Variants in HDAC9 observed in about 807,000 individuals in gnomAD.
HDAC9 encodes histone deacetylase 9, also known as MEF-2 interacting transcription repressor (MITR) protein.
Under a neutral mutation model 139.4 loss-of-function variants are expected in HDAC9, and 41 were observed. That is an observed-to-expected ratio of 0.29 (90% CI 0.23 to 0.38). HDAC9 has a LOEUF of 0.38. Among genes scored for constraint, HDAC9 ranks in the 10% least tolerant of loss-of-function variants. The pLI, the probability that HDAC9 is intolerant of heterozygous loss-of-function variation, is 1.00. For missense variants in HDAC9, 1,147 were observed against 1,297.0 expected (o/e 0.88, Z 1.78); for synonymous variants, 517 against 476.2 (o/e 1.09, Z -1.12).
intron 1 of HDAC9, among the ~76,000 whole-genome samples, chr7:18,396,816 G>A (rs534025999): frequency 6.6e-6 from 1 of 152,248 alleles, no homozygotes; most frequent in East Asian, 1.9e-4. Flanking sequence ...AAGTTCTCCT[G>A]ATTCCTTGTT....
At chr7:18,717,431 CTTTT>C (rs59746761) in intron 12 of HDAC9, among the ~76,000 whole-genome samples, 1 of 137,236 alleles carries the variant, frequency 7.3e-6, no homozygotes. Flanking sequence ...TTACAATTTC[CTTTT>C]TTTTTTTTTT....
intron 8 of HDAC9, among the ~76,000 whole-genome samples, chr7:18,642,280 A>G (rs1014484624): frequency 3.9e-5 from 6 of 152,050 alleles, no homozygotes; most frequent in African/African-American, 1.4e-4. Context: ...CCTGACTCCC[A>G]GTTGCACTCC....
chr7:18,155,802 T>C (rs1787151328), intron 1 of HDAC9, among the ~76,000 whole-genome samples: 1 of 152,152 alleles, frequency 6.6e-6, no homozygotes, highest in Non-Finnish European at 1.5e-5. Context: ...TAGTCTTGCA[T>C]AGATAACTCC....
At chr7:18,178,238 C>T (rs1379772508) in intron 2 of HDAC9, among the ~76,000 whole-genome samples, 1 of 152,142 alleles carries the variant, frequency 6.6e-6, no homozygotes, top group African/African-American at 2.4e-5. Context: ...CACATGCCAC[C>T]ATGCTGGCTA....
chr7:18,305,781 G>A (rs1261869853), intron 1 of HDAC9, among the ~76,000 whole-genome samples: 1 of 151,862 alleles, frequency 6.6e-6, no homozygotes, highest in Non-Finnish European at 1.5e-5. Flanking sequence ...AGTAAAGAGT[G>A]CAGGCAGTAA....
In HDAC9 at chr7:18,756,400, T is replaced by A. The variant is rs114471857; in HGVS notation, c.2044-5757T>A. Among the ~76,000 whole-genome samples, 856 of 152,270 alleles carry A rather than the reference T, an allele frequency of 5.6e-3. 9 individuals carry two copies. Among genetic ancestry groups the A allele is most frequent in the African/African-American group, 0.019 (794 of 41,552 alleles). The stretch of plus-strand genomic sequence containing the variant: ...GGATAGGAATATGAGCTGTGAAAAA[T>A]TCTCTTATTTTTCAATTATGATTAA... On this transcript the variant is annotated intron_variant, in intron 14 of 25. Coordinates refer to ENST00000686413, the MANE Select transcript of HDAC9 (RefSeq NM_178425.4).
intron 2 of HDAC9, among the ~76,000 whole-genome samples, chr7:18,260,312 TTTTTTTTTTTG>T (rs1257473770): frequency 1.8e-5 from 1 of 56,492 alleles, no homozygotes; most frequent in African/African-American, 3.8e-5. Flanking sequence ...CTTTTTTTTG[TTTTTTTTTTTG>T]TTTTTTTTTT....
At chr7:18,836,802 A>G (rs1188981053) in intron 21 of HDAC9, among the ~76,000 whole-genome samples, 2 of 152,074 alleles carry the variant, frequency 1.3e-5, no homozygotes, top group African/African-American at 4.8e-5. Context: ...CTCCCTTGCA[A>G]GATTTTTGGA....
At chr7:18,365,275 A>T (rs1784091265) in intron 1 of HDAC9, among the ~76,000 whole-genome samples, 1 of 152,066 alleles carries the variant, frequency 6.6e-6, no homozygotes, top group South Asian at 2.1e-4. Flanking sequence ...TTTTAGATCT[A>T]GTGTGAACTC....
At chr7:18,955,319 A>G (rs910166702) in intron 24 of HDAC9, among the ~76,000 whole-genome samples, 1 of 152,092 alleles carries the variant, frequency 6.6e-6, no homozygotes, top group Non-Finnish European at 1.5e-5. Context: ...TTGGGGCTAG[A>G]TAAAGAGGGT....
At chr7:18,396,468 A>G (rs1048477932) in intron 1 of HDAC9, among the ~76,000 whole-genome samples, 1 of 152,126 alleles carries the variant, frequency 6.6e-6, no homozygotes, top group African/African-American at 2.4e-5. Context: ...ATAGCTTGGA[A>G]GCAAAGAGGA....
intron 2 of HDAC9, among the ~76,000 whole-genome samples, chr7:18,253,399 A>C (rs1272734628): frequency 6.6e-6 from 1 of 152,182 alleles, no homozygotes; most frequent in Non-Finnish European, 1.5e-5. Flanking sequence ...TTTTCTCCAA[A>C]ACGTTGCCAA....
Position 18,647,571 on chromosome 7 carries a change from A to G in HDAC9, c.1036-214A>G, listed in dbSNP as rs535874232. Among the ~76,000 whole-genome samples the G allele has an allele frequency of 9.1e-4, 138 of 152,278 alleles. 1 individual carries two copies. Among genetic ancestry groups the G allele is most frequent in the Admixed American group, 9.8e-4 (15 of 15,278 alleles). On this transcript the variant is annotated intron_variant, in intron 9 of 25. Coordinates refer to ENST00000686413, the MANE Select transcript of HDAC9 (RefSeq NM_178425.4). ...CCTTTTTATGTTCAATACAATGACA[A>G]TATTAAATTGTCTTCAGTGCTCCAA...
chr7:18,887,403 T>C (rs1417221847), intron 22 of HDAC9, among the ~76,000 whole-genome samples: 4 of 152,192 alleles, frequency 2.6e-5, no homozygotes, highest in Non-Finnish European at 4.4e-5. Flanking sequence ...TGGAATCGGT[T>C]GATCTGCAGT....
Position 18,762,401 on chromosome 7 carries a change from G to A in HDAC9, c.2164+124G>A, listed in dbSNP as rs980113666. 4 of 1,020,000 alleles carry A rather than the reference G, an allele frequency of 3.9e-6. No homozygotes were observed. The African/African-American group carries it at 6.5e-5, about 16-fold the overall frequency. The allele number at this position is 1,020,000 out of a possible 1,614,324, so 63.2% of individuals were successfully genotyped here. A position where few individuals can be genotyped will look rare whatever the true frequency, so the allele number is the denominator to read the frequency against. Reference sequence around the variant, plus strand: ...AAAAATCAGTTTTTCCAACAGCTTTGCTCTGTGGAGTGAGTCATTTGCAAC... The same window carrying A: ...AAAAATCAGTTTTTCCAACAGCTTTACTCTGTGGAGTGAGTCATTTGCAAC... On this transcript the variant is annotated intron_variant, in intron 15 of 25. Transcript: ENST00000686413.
At chr7:18,855,010 T>C (rs963918090) in intron 21 of HDAC9, among the ~76,000 whole-genome samples, 1 of 152,164 alleles carries the variant, frequency 6.6e-6, no homozygotes, top group African/African-American at 2.4e-5. Context: ...CATAATATAA[T>C]GGGAAAATGG....
intron 1 of HDAC9, among the ~76,000 whole-genome samples, chr7:18,448,048 C>A (rs867947341): frequency 6.6e-5 from 10 of 152,168 alleles, no homozygotes; most frequent in Middle Eastern, 6.8e-3. Flanking sequence ...ACCAAGTGGG[C>A]CAGGCTGGTC....
chr7:18,684,316 A>G lies in HDAC9; in HGVS notation c.1731+17840A>G, dbSNP rs571949695. Among the ~76,000 whole-genome samples the G allele has an allele frequency of 5.3e-5, 8 of 149,624 alleles. 1 individual carries two copies. In the South Asian group the frequency reaches 1.7e-3, roughly 32 times the overall value. On this transcript the variant is annotated intron_variant, in intron 12 of 25. Coordinates refer to ENST00000686413, the MANE Select transcript of HDAC9 (RefSeq NM_178425.4). ...CAGAAAACAATATTTGATCCATTTTACTGACAACAAAAACTTTCTTTTCAT... is the reference window on the plus strand; with the variant it reads ...CAGAAAACAATATTTGATCCATTTTGCTGACAACAAAAACTTTCTTTTCAT...
At chr7:18,489,117 G>A (rs1030552506) in intron 1 of HDAC9, among the ~76,000 whole-genome samples, 3 of 152,028 alleles carry the variant, frequency 2.0e-5, no homozygotes, top group Non-Finnish European at 4.4e-5. Flanking sequence ...TTCATCTGAA[G>A]AAGGAATCAT....
Sources: allele counts gnomAD v4.1 joint callset (sites outside exome capture counted in the v4.1 genomes callset), GRCh38; gene constraint gnomAD v4.1.1; transcripts MANE v1.5; gene names NCBI Gene and HGNC (gene_info 2026-07-23, HGNC 2026-07-21).